The following ZNF676 variants were observed in gnomAD, a reference collection of about 807,000 sequenced individuals.
ZNF676 encodes zinc finger protein 676.
In ZNF676, 4 loss-of-function variants were observed where a neutral mutation model predicts 6.0. The ratio of observed to expected loss-of-function variants is 0.67; its 90% CI spans 0.33 to 1.53. The LOEUF is 1.53. ZNF676 is among the 40% of genes most tolerant of loss of function. The pLI is 0.06. For synonymous variants in ZNF676, 198 were observed against 223.1 expected (o/e 0.89, Z 1.00); for missense variants, 644 against 679.7 (o/e 0.95, Z 0.58).
At chr19:22,224,092 G>A in the ZNF676 span, among the ~76,000 whole-genome samples, 2 of 150,004 alleles carry the variant, frequency 1.3e-5, no homozygotes, top group Non-Finnish European at 3.0e-5. Flanking sequence ...AGTGCATGCC[G>A]ATGACTCAAA....
chr19:22,223,178 T>G, the ZNF676 span, among the ~76,000 whole-genome samples: 20 of 152,256 alleles, frequency 1.3e-4, no homozygotes, highest in African/African-American at 4.8e-4. Context: ...GGCTATTTTT[T>G]GGGTTGTGGC....
the ZNF676 span, among the ~76,000 whole-genome samples, chr19:22,227,521 T>C: frequency 6.6e-6 from 1 of 152,016 alleles, no homozygotes; most frequent in African/African-American, 2.4e-5. Flanking sequence ...AGAGCAGAAC[T>C]GAAGGAGATA....
chr19:22,210,366 C>G (rs1599719148), intron 1 of ZNF676, among the ~76,000 whole-genome samples: 1 of 152,092 alleles, frequency 6.6e-6, no homozygotes, highest in East Asian at 1.9e-4. Flanking sequence ...CCCATGGGCT[C>G]ATCTATGCTT....
At chr19:22,242,258 C>G in the ZNF676 span, among the ~76,000 whole-genome samples, 2 of 151,910 alleles carry the variant, frequency 1.3e-5, no homozygotes, top group Admixed American at 6.6e-5. Context: ...AAATCACAAT[C>G]ATTTTTGAGG....
the ZNF676 span, among the ~76,000 whole-genome samples, chr19:22,236,630 G>T: frequency 1.3e-5 from 2 of 152,182 alleles, no homozygotes; most frequent in African/African-American, 4.8e-5. Context: ...TATTCAAGGA[G>T]TTCTGGGTCT....
At chr19:22,234,647 G>C in the ZNF676 span, among the ~76,000 whole-genome samples, 3 of 152,072 alleles carry the variant, frequency 2.0e-5, no homozygotes, top group African/African-American at 7.2e-5. Flanking sequence ...CAAAATCCTA[G>C]AGGCTGCCAG....
chr19:22,187,834 C>T (rs554335225), intron 2 of ZNF676, among the ~76,000 whole-genome samples: 1 of 151,954 alleles, frequency 6.6e-6, no homozygotes, highest in Non-Finnish European at 1.5e-5. Flanking sequence ...AAGTCAAATC[C>T]CTGCATAGAC....
chr19:22,232,886 C>A, the ZNF676 span, among the ~76,000 whole-genome samples: 1 of 152,096 alleles, frequency 6.6e-6, no homozygotes, highest in South Asian at 2.1e-4. Context: ...AGATTTAATG[C>A]AATGTTCTTT....
chr19:22,234,515 G>T, the ZNF676 span, among the ~76,000 whole-genome samples: 1 of 152,200 alleles, frequency 6.6e-6, no homozygotes, highest in African/African-American at 2.4e-5. Flanking sequence ...GGCAGTTCAG[G>T]TCGCATAGTG....
the ZNF676 span, among the ~76,000 whole-genome samples, chr19:22,242,247 A>T: frequency 2.0e-5 from 3 of 151,890 alleles, no homozygotes; most frequent in South Asian, 4.1e-4. Context: ...GGGAAAGGGT[A>T]AAATCACAAT....
chr19:22,230,851 C>T, the ZNF676 span, among the ~76,000 whole-genome samples: 4 of 151,094 alleles, frequency 2.6e-5, no homozygotes, highest in South Asian at 4.2e-4. Context: ...GGAGAGATGG[C>T]GTTTCACCAT....
intron 1 of ZNF676, among the ~76,000 whole-genome samples, chr19:22,213,593 G>C: frequency 6.9e-6 from 1 of 143,964 alleles, no homozygotes; most frequent in African/African-American, 2.9e-5. Flanking sequence ...GTTGTCTTAT[G>C]AAAGATAAGA....
At chr19:22,254,465 C>T in the ZNF676 span, among the ~76,000 whole-genome samples, 1 of 152,112 alleles carries the variant, frequency 6.6e-6, no homozygotes, top group African/African-American at 2.4e-5. Flanking sequence ...AGGAATGATG[C>T]CCAGCTATAT....
upstream of ZNF676, among the ~76,000 whole-genome samples, chr19:22,197,973 C>T (rs1040523682): frequency 2.6e-5 from 4 of 152,104 alleles, no homozygotes; most frequent in Non-Finnish European, 5.9e-5. Context: ...AGATATCTCC[C>T]ATGTTCTGTA....
chr19:22,210,473 A>C (rs141297991), intron 1 of ZNF676, among the ~76,000 whole-genome samples: 1 of 152,268 alleles, frequency 6.6e-6, no homozygotes, highest in African/African-American at 2.4e-5. Flanking sequence ...CACTGTAGTT[A>C]TATTCACTGG....
rs1313384969 is a variant in ZNF676 at position 22,179,647 on chromosome 19, TGAG to T, written c.*300_*302del. ...TTTTCCTCCAGTATGAATTCTTTTA[TGAG>T]TAGTAAGGTGTGAGGAACAGTTGAA... On this transcript the variant is annotated 3_prime_UTR_variant, in exon 3 of 3. Transcript: ENST00000397121. The T allele has an allele frequency of 1.8e-6, 1 of 566,056 alleles. No homozygotes were observed. The highest frequency in any genetic ancestry group is 2.8e-5 in the Admixed American group (1 of 35,096). 35.1% of individuals were successfully genotyped at this position (566,056 alleles called of 1,614,324 possible). A position where few individuals can be genotyped will look rare whatever the true frequency, so the allele number is the denominator to read the frequency against.
chr19:22,202,910 C>T lies in ZNF676; in HGVS notation c.4-6184G>A, dbSNP rs11879900. Among the ~76,000 whole-genome samples, 1,189 of 152,224 alleles carry T rather than the reference C, an allele frequency of 7.8e-3. 25 individuals carry two copies. The highest frequency in any genetic ancestry group is 0.026 in the African/African-American group (1,087 of 41,524). Reference sequence around the variant, plus strand: ...GACTCTTCTACAAAAAGTGTTGATTCGGGTGCTATCTTTTTGGCTATTTAC... The same window carrying T: ...GACTCTTCTACAAAAAGTGTTGATTTGGGTGCTATCTTTTTGGCTATTTAC... On this transcript the variant is annotated intron_variant, in intron 1 of 3. Coordinates refer to the ZNF676 transcript ENST00000650058.
At chr19:22,200,311 A>G (rs941370245), upstream of ZNF676, among the ~76,000 whole-genome samples, 2 of 150,862 alleles carry the variant, frequency 1.3e-5, no homozygotes, top group African/African-American at 5.0e-5. Context: ...AGAACTACAA[A>G]TAATAATAAC....
chr19:22,214,287 T>G (rs1240214490), intron 1 of ZNF676, among the ~76,000 whole-genome samples: 1 of 152,164 alleles, frequency 6.6e-6, no homozygotes, highest in Non-Finnish European at 1.5e-5. Context: ...GCAGTTAGAC[T>G]GAGGAGGCTT....
Sources: allele counts gnomAD v4.1 joint callset (sites outside exome capture counted in the v4.1 genomes callset), GRCh38; gene constraint gnomAD v4.1.1; transcripts MANE v1.5; gene names NCBI Gene and HGNC (gene_info 2026-07-23, HGNC 2026-07-21).